The following PCDH15 variants were observed in gnomAD, a reference collection of about 807,000 sequenced individuals.
PCDH15 encodes protocadherin related 15.
A neutral mutation model predicts 178.5 loss-of-function variants in PCDH15; 129 were observed. The ratio of observed to expected loss-of-function variants is 0.72; its 90% confidence interval spans 0.63 to 0.84. The LOEUF (loss-of-function observed/expected upper bound fraction) is 0.84. Ranked by LOEUF, PCDH15 falls within the 40% of genes least tolerant of loss-of-function variation. The pLI is 0.00. For synonymous variants in PCDH15, 800 were observed against 732.0 expected (o/e 1.09, Z -1.50); for missense variants, 2,230 against 2,099.9 (o/e 1.06, Z -1.21).
intron 2 of PCDH15, among the ~76,000 whole-genome samples, chr10:54,531,126 A>C (rs1227923530): frequency 6.6e-6 from 1 of 152,202 alleles, no homozygotes; most frequent in Non-Finnish European, 1.5e-5. Context: ...TGTCTGCCAC[A>C]GGAAAGTCAG....
intron 18 of PCDH15, 152 bp downstream of exon 18, chr10:54,066,605 T>C: frequency 1.7e-6 from 1 of 592,216 alleles, no homozygotes. Flanking sequence ...TTAAAATATA[T>C]AGGATATGAT....
At chr10:53,825,141 C>G in intron 32 of PCDH15, 1 of 1,541,260 alleles carries the variant, frequency 6.5e-7, no homozygotes, top group Non-Finnish European at 8.8e-7. Context: ...CTTACTTATG[C>G]CTATGTATCC....
chr10:54,741,887 T>A (rs1240820775), intron 1 of PCDH15, among the ~76,000 whole-genome samples: 1 of 152,010 alleles, frequency 6.6e-6, no homozygotes, highest in African/African-American at 2.4e-5. Context: ...GTCACTTGAG[T>A]GGTAATCCTA....
intron 2 of PCDH15, among the ~76,000 whole-genome samples, chr10:55,080,658 C>G (rs1842017002): frequency 1.3e-5 from 2 of 152,110 alleles, no homozygotes; most frequent in Non-Finnish European, 2.9e-5. Flanking sequence ...AGCATGGAGA[C>G]TGTGCTACCA....
intron 25 of PCDH15, among the ~76,000 whole-genome samples, chr10:53,922,329 T>C (rs1162448877): frequency 2.0e-5 from 3 of 152,146 alleles, no homozygotes; most frequent in African/African-American, 4.8e-5. Flanking sequence ...TTTTATAGAG[T>C]ATTTCTTATG....
At chr10:54,027,914 T>G (rs1408646179) in intron 18 of PCDH15, among the ~76,000 whole-genome samples, 6 of 150,064 alleles carry the variant, frequency 4.0e-5, no homozygotes, top group African/African-American at 1.5e-4. Flanking sequence ...CCAAAAGCAA[T>G]GGCAACAAAA....
chr10:54,935,581 C>T (rs1397262372), intron 2 of PCDH15, among the ~76,000 whole-genome samples: 3 of 152,068 alleles, frequency 2.0e-5, no homozygotes, highest in East Asian at 1.9e-4. Context: ...CTAACCTTTG[C>T]TTGCCCCAAA....
chr10:54,723,693 T>A (rs903832048), intron 1 of PCDH15, among the ~76,000 whole-genome samples: 2 of 148,250 alleles, frequency 1.3e-5, no homozygotes, highest in African/African-American at 5.0e-5. Context: ...CTCGAACAAC[T>A]CAACAAGAAA....
chr10:54,544,770 G>A (rs2085661314), intron 2 of PCDH15, among the ~76,000 whole-genome samples: 1 of 152,018 alleles, frequency 6.6e-6, no homozygotes, highest in African/African-American at 2.4e-5. Flanking sequence ...CAAAAAGAGG[G>A]TAAAACTACT....
intron 14 of PCDH15, among the ~76,000 whole-genome samples, chr10:54,136,284 A>G (rs1167590158): frequency 6.6e-6 from 1 of 152,212 alleles, no homozygotes; most frequent in Non-Finnish European, 1.5e-5. Flanking sequence ...TCTCATGAAA[A>G]GTACAATATG....
chr10:53,986,751 T>C (rs1002464798), intron 21 of PCDH15, among the ~76,000 whole-genome samples: 3 of 152,262 alleles, frequency 2.0e-5, no homozygotes, highest in African/African-American at 7.2e-5. Context: ...TGATTGCATT[T>C]ACATGAGATA....
At chr10:55,113,647 T>C (rs999677115) in intron 2 of PCDH15, among the ~76,000 whole-genome samples, 1 of 152,196 alleles carries the variant, frequency 6.6e-6, no homozygotes, top group Non-Finnish European at 1.5e-5. Context: ...ACTTATCTAA[T>C]TATATGCATG....
chr10:55,375,598 A>T (rs1374927205), intron 2 of PCDH15, among the ~76,000 whole-genome samples: 1 of 152,094 alleles, frequency 6.6e-6, no homozygotes, highest in Non-Finnish European at 1.5e-5. Context: ...TGACAATCCA[A>T]ATAAAAGTTA....
rs550835097 is a variant in PCDH15, at chr10:54,261,548, A to G, written c.877-24617T>C. Among the ~76,000 whole-genome samples, 219 of 152,300 alleles carry G rather than the reference A, an allele frequency of 1.4e-3. 1 individual carries two copies. Among genetic ancestry groups the G allele is most frequent in the African/African-American group, 4.9e-3 (203 of 41,576 alleles). ...ATTTTTGGGTGTAGTGGATGCAAGTATTAAAAATAATGTATTAGATTTGTA... is the reference window on the plus strand; with the variant it reads ...ATTTTTGGGTGTAGTGGATGCAAGTGTTAAAAATAATGTATTAGATTTGTA... On this transcript the variant is annotated intron_variant, in intron 8 of 37. Coordinates refer to ENST00000644397, the MANE Select transcript of PCDH15 (RefSeq NM_001384140.1).
At chr10:54,212,910 G>A (rs928915129) in intron 10 of PCDH15, among the ~76,000 whole-genome samples, 3 of 151,960 alleles carry the variant, frequency 2.0e-5, no homozygotes, top group Admixed American at 1.3e-4. Flanking sequence ...TACCTTATCC[G>A]AACTTTAGTT....
intron 15 of PCDH15, among the ~76,000 whole-genome samples, chr10:54,111,895 G>A (rs1040576065): frequency 3.3e-5 from 5 of 151,492 alleles, no homozygotes; most frequent in Non-Finnish European, 7.4e-5. Flanking sequence ...GGGAGGCCAA[G>A]GCAGGTAGAT....
At chr10:54,673,089 A>C (rs2094706740) in intron 1 of PCDH15, among the ~76,000 whole-genome samples, 1 of 152,072 alleles carries the variant, frequency 6.6e-6, no homozygotes, top group Non-Finnish European at 1.5e-5. Flanking sequence ...AAAAAAAATT[A>C]AATTAAAGTT....
intron 2 of PCDH15, among the ~76,000 whole-genome samples, chr10:55,448,243 C>A (rs1400061757): frequency 6.6e-6 from 1 of 151,900 alleles, no homozygotes; most frequent in South Asian, 2.1e-4. Context: ...TGTCAGAAAT[C>A]AAACATGGAA....
chr10:53,812,036 T>A (rs1419841579), intron 35 of PCDH15, among the ~76,000 whole-genome samples: 1 of 151,854 alleles, frequency 6.6e-6, no homozygotes, highest in Non-Finnish European at 1.5e-5. Context: ...ATCTACAGCA[T>A]TTTTTTTCAT....
Sources: allele counts gnomAD v4.1 joint callset (sites outside exome capture counted in the v4.1 genomes callset), GRCh38; gene constraint gnomAD v4.1.1; transcripts MANE v1.5; gene names NCBI Gene and HGNC (gene_info 2026-07-23, HGNC 2026-07-21).